The following DGKI variants were observed in gnomAD, a reference collection of about 807,000 sequenced individuals.
DGKI encodes the protein DAG kinase iota.
DGKI carries 55 observed loss-of-function variants against 147.5 expected under a neutral mutation model. The ratio of observed to expected loss-of-function variants is 0.37; its 90% CI spans 0.30 to 0.47. The LOEUF is 0.47. Ranked by LOEUF, DGKI falls within the 20% of genes least tolerant of loss-of-function variation. The pLI, the probability that DGKI is intolerant of heterozygous loss-of-function variation, is 1.00. For missense variants in DGKI, 1,007 were observed against 1,323.8 expected, an observed-to-expected ratio of 0.76 and a Z score of 3.71; for synonymous variants, 469 against 477.1, an observed-to-expected ratio of 0.98 and a Z score of 0.22.
chr7:137,444,184 C>T (rs1813621897), intron 27 of DGKI, 82 bp from the exon 28 acceptor site: 2 of 864,576 alleles, frequency 2.3e-6, no homozygotes, highest in Middle Eastern at 3.5e-4. Context: ...GTAATTTTAC[C>T]CTCAAATTGA....
Position 137,674,948 on chromosome 7 carries a change from A to G in DGKI, c.606+3609T>C, listed in dbSNP as rs895761510. On this transcript the variant is annotated intron_variant, in intron 3 of 32. Transcript: ENST00000614521. The stretch of plus-strand genomic sequence containing the variant: ...TGATGGATTCACTCCTCCCCTGAGC[A>G]CTCTGCCTGTACTTTGTTTAGGAGC... 3.3e-5 allele frequency among the ~76,000 whole-genome samples: 5 copies of G among 152,138 alleles called. No individual in the cohort carries two copies. In the South Asian group the frequency reaches 1.0e-3, roughly 32 times the overall value.
chr7:137,415,348 T>G (rs1485297530), intron 28 of DGKI, among the ~76,000 whole-genome samples: 4 of 152,220 alleles, frequency 2.6e-5, no homozygotes, highest in African/African-American at 9.6e-5. Flanking sequence ...GCATTTGCAT[T>G]AGATTAGGTA....
chr7:137,802,482 T>C (rs1047572121), intron 1 of DGKI, among the ~76,000 whole-genome samples: 1 of 152,214 alleles, frequency 6.6e-6, no homozygotes, highest in Non-Finnish European at 1.5e-5. Context: ...ACAGCTGTTT[T>C]GCACCTCAAA....
chr7:137,526,680 T>A (rs1194942267), intron 20 of DGKI, among the ~76,000 whole-genome samples: 1 of 152,090 alleles, frequency 6.6e-6, no homozygotes, highest in Non-Finnish European at 1.5e-5. Flanking sequence ...CCCTGAACAC[T>A]CACTGCTATT....
At chr7:137,791,418 C>T (rs187400584) in intron 1 of DGKI, among the ~76,000 whole-genome samples, 136 of 152,254 alleles carry the variant, frequency 8.9e-4, no homozygotes, top group African/African-American at 3.1e-3. Context: ...CCAAAAGATT[C>T]ATTGGTATTA....
At chr7:137,807,641 T>C (rs1021658078) in intron 1 of DGKI, among the ~76,000 whole-genome samples, 6 of 152,158 alleles carry the variant, frequency 3.9e-5, no homozygotes, top group Admixed American at 1.3e-4. Context: ...TGCTGCTCTT[T>C]CAGAGAAGCC....
At chr7:137,467,476 A>C (rs894179914) in intron 24 of DGKI, among the ~76,000 whole-genome samples, 8 of 152,192 alleles carry the variant, frequency 5.3e-5, no homozygotes, top group Non-Finnish European at 1.2e-4. Context: ...CTTCTCAGTG[A>C]AGTGACTTCC....
chr7:137,441,595 C>A (rs1000281752), intron 28 of DGKI, among the ~76,000 whole-genome samples: 2 of 152,012 alleles, frequency 1.3e-5, no homozygotes, highest in Non-Finnish European at 2.9e-5. Flanking sequence ...GCTCTCTATG[C>A]AAGAGTACCA....
chr7:137,464,234 G>A (rs1398756185), intron 26 of DGKI, among the ~76,000 whole-genome samples: 2 of 145,206 alleles, frequency 1.4e-5, no homozygotes. Context: ...TCCAGTCTGG[G>A]TGACAGAGCG....
At chr7:137,516,584 G>A (rs1170863261) in intron 21 of DGKI, among the ~76,000 whole-genome samples, 3 of 151,750 alleles carry the variant, frequency 2.0e-5, no homozygotes, top group African/African-American at 7.3e-5. Context: ...AGAAAATCAG[G>A]AACGAATTCT....
At chr7:137,448,052 G>A (rs1305976444) in intron 27 of DGKI, among the ~76,000 whole-genome samples, 5 of 152,134 alleles carry the variant, frequency 3.3e-5, no homozygotes, top group Non-Finnish European at 7.4e-5. Context: ...TAAAAATAGA[G>A]CTAAGTTTTA....
intron 20 of DGKI, among the ~76,000 whole-genome samples, chr7:137,540,549 G>T (rs1817652852): frequency 1.3e-5 from 2 of 151,916 alleles, no homozygotes; most frequent in Non-Finnish European, 2.9e-5. Flanking sequence ...GCTAGGCATG[G>T]TACCATGTGC....
At chr7:137,616,039 C>G (rs1410880676) in intron 8 of DGKI, among the ~76,000 whole-genome samples, 1 of 152,174 alleles carries the variant, frequency 6.6e-6, no homozygotes, top group East Asian at 1.9e-4. Flanking sequence ...TTGAAGCCCA[C>G]TAAAGAAAAG....
In DGKI at chr7:137,678,541, C is replaced by T. The variant is rs188346364; in HGVS notation, c.606+16G>A. 5.7e-4 allele frequency: 927 copies of T among 1,612,946 alleles called. 5 individuals carry two copies. In the African/African-American group the frequency reaches 0.011, roughly 18 times the overall value. On this transcript the variant is annotated intron_variant, in intron 3 of 32. Transcript: ENST00000614521. ...ATCCACAGGCCTTCCCCCAGCAAGACGGAGCGCACACTCACTGCAAATCTG... is the reference window on the plus strand; with the variant it reads ...ATCCACAGGCCTTCCCCCAGCAAGATGGAGCGCACACTCACTGCAAATCTG...
rs138771600 is a variant in DGKI at position 137,440,213 on chromosome 7, C to T, written c.2761+3864G>A. Among the ~76,000 whole-genome samples the T allele has an allele frequency of 3.9e-5, 6 of 152,334 alleles. No individual in the cohort carries two copies. In the East Asian group the frequency reaches 1.2e-3, roughly 29 times the overall value. ...AATCACTGCCAAGCTTATCTTCTAA[C>T]AAGGAGTAGGGCTCCAGTTTCCAGA... On this transcript the variant is annotated intron_variant, in intron 28 of 32. Transcript: ENST00000614521.
intron 1 of DGKI, among the ~76,000 whole-genome samples, chr7:137,703,596 A>G (rs1263344598): frequency 6.6e-6 from 1 of 152,230 alleles, no homozygotes; most frequent in Non-Finnish European, 1.5e-5. Flanking sequence ...GGTATTTAAG[A>G]AAGTATCTGT....
intron 28 of DGKI, among the ~76,000 whole-genome samples, chr7:137,416,558 A>G (rs1812368047): frequency 6.6e-6 from 1 of 152,230 alleles, no homozygotes; most frequent in East Asian, 1.9e-4. Context: ...TCTGACACCA[A>G]GATAAGGCAC....
At chr7:137,638,623 T>TATATGTATATATCTGTATATATACAC (rs1563125933) in intron 6 of DGKI, among the ~76,000 whole-genome samples, 1 of 2,750 alleles carries the variant, frequency 3.6e-4, no homozygotes. Flanking sequence ...CACACACACA[T>TATATGTATATATCTGTATATATACAC]ATATATGTGT....
chr7:137,391,921 A>G (rs560721074), intron 32 of DGKI, among the ~76,000 whole-genome samples: 7 of 152,316 alleles, frequency 4.6e-5, no homozygotes, highest in Non-Finnish European at 1.0e-4. Flanking sequence ...AGTGGTAGAT[A>G]TTGATTAAAG....
Sources: allele counts gnomAD v4.1 joint callset (sites outside exome capture counted in the v4.1 genomes callset), GRCh38; gene constraint gnomAD v4.1.1; transcripts MANE v1.5; gene names NCBI Gene and HGNC (gene_info 2026-07-23, HGNC 2026-07-21).